Variants in HDGFL3 observed in about 807,000 individuals in gnomAD.
HDGFL3 encodes the protein HDGF like 3.
A neutral mutation model predicts 27.6 loss-of-function variants in HDGFL3; 6 were observed. The ratio of observed to expected loss-of-function variants is 0.22; its 90% CI spans 0.12 to 0.43. The LOEUF is 0.43. Among genes scored for constraint, HDGFL3 ranks in the 20% least tolerant of loss-of-function variants. HDGFL3 has a pLI of 1.00. For missense variants in HDGFL3, 207 were observed against 250.1 expected (o/e 0.83, Z 1.16); for synonymous variants, 88 against 88.9 (o/e 0.99, Z 0.05).
chr15:83,195,625 G>C (rs112051332), intron 1 of HDGFL3, among the ~76,000 whole-genome samples: 5 of 151,980 alleles, frequency 3.3e-5, no homozygotes, highest in African/African-American at 1.2e-4. Context: ...TATAATGGTA[G>C]AACATTAATG....
In HDGFL3 at chr15:83,191,575, T is replaced by C. The variant is rs533414466; in HGVS notation, c.84+15756A>G. Among the ~76,000 whole-genome samples the C allele has an allele frequency of 1.4e-4, 22 of 152,298 alleles. 1 individual carries two copies. The South Asian group carries it at 4.6e-3, about 32-fold the overall frequency. On this transcript the variant is annotated intron_variant, in intron 1 of 5. Transcript: ENST00000299633. Reference sequence around the variant, plus strand: ...AATTTTTTATTGGAAACATATAAAATTGTAAGTTTAAGACTTTAACTAAAG... The same window carrying C: ...AATTTTTTATTGGAAACATATAAAACTGTAAGTTTAAGACTTTAACTAAAG...
At chr15:83,124,646 C>A (rs756390487), downstream of HDGFL3, 1 of 1,586,846 alleles carries the variant, frequency 6.3e-7, no homozygotes, top group Non-Finnish European at 8.6e-7. Context: ...TTTGGGCCTG[C>A]TCTTTAGGTA....
At chr15:83,158,621 T>C (rs1225228236) in intron 2 of HDGFL3, among the ~76,000 whole-genome samples, 3 of 152,186 alleles carry the variant, frequency 2.0e-5, no homozygotes. Context: ...CACTCCATCC[T>C]GCCTGGGACA....
intron 3 of HDGFL3, among the ~76,000 whole-genome samples, chr15:83,120,656 C>T (rs906233316): frequency 3.3e-5 from 5 of 150,876 alleles, no homozygotes; most frequent in Non-Finnish European, 5.9e-5. Flanking sequence ...CTGCAATCTC[C>T]GCCTCCCAGG....
At chr15:83,197,175 A>G (rs1314130992) in intron 1 of HDGFL3, among the ~76,000 whole-genome samples, 1 of 152,246 alleles carries the variant, frequency 6.6e-6, no homozygotes, top group Non-Finnish European at 1.5e-5. Context: ...CACACATAGC[A>G]TAAGATAGGG....
At chr15:83,116,696 C>T (rs1321942018) in intron 3 of HDGFL3, among the ~76,000 whole-genome samples, 3 of 152,066 alleles carry the variant, frequency 2.0e-5, no homozygotes, top group South Asian at 2.1e-4. Context: ...GAGGCTTCCT[C>T]GGGACCAGCA....
At position 83,136,391 on chromosome 15, in the gene HDGFL3, A is replaced by C. The variant is rs1164782230; in HGVS notation, c.*2879T>G. The C allele has an allele frequency of 1.0e-5, 12 of 1,157,846 alleles. No individual in the cohort carries two copies. The East Asian group carries it at 3.0e-4, about 29-fold the overall frequency. The allele number at this position is 1,157,846 out of a possible 1,614,324, so 71.7% of individuals were successfully genotyped here. A position where few individuals can be genotyped will look rare whatever the true frequency, so the allele number is the denominator to read the frequency against. On this transcript the variant is annotated 3_prime_UTR_variant, in exon 6 of 6. Transcript: ENST00000299633. Reference sequence around the variant, plus strand: ...TGAGACTGGTTTTGAGGGCACAGAAACGTAGCCTGAATGAACCATTCAGAA... The same window carrying C: ...TGAGACTGGTTTTGAGGGCACAGAACCGTAGCCTGAATGAACCATTCAGAA...
chr15:83,153,148 T>C (rs796467044), intron 4 of HDGFL3, among the ~76,000 whole-genome samples: 4 of 152,068 alleles, frequency 2.6e-5, no homozygotes, highest in African/African-American at 9.6e-5. Context: ...TATAGGTACC[T>C]GCCACCACGC....
intron 3 of HDGFL3, chr15:83,120,211 T>C (rs2035090369): frequency 1.3e-5 from 2 of 158,218 alleles, no homozygotes; most frequent in Admixed American, 5.9e-5. Flanking sequence ...GTGCTGGTTT[T>C]TGGGTATTGG....
chr15:83,203,946 T>A (rs1267260827), intron 1 of HDGFL3, among the ~76,000 whole-genome samples: 1 of 149,720 alleles, frequency 6.7e-6, no homozygotes. Context: ...GCCTCAGTAC[T>A]TTTTAACATT....
intron 5 of HDGFL3, among the ~76,000 whole-genome samples, chr15:83,140,103 T>C (rs1188252777): frequency 1.3e-5 from 2 of 152,136 alleles, no homozygotes; most frequent in African/African-American, 4.8e-5. Flanking sequence ...TGAATGAACA[T>C]GTTTGTAAGC....
At chr15:83,154,614 T>G (rs2037006052) in intron 4 of HDGFL3, among the ~76,000 whole-genome samples, 1 of 152,188 alleles carries the variant, frequency 6.6e-6, no homozygotes, top group South Asian at 2.1e-4. Context: ...GTGGTGATTT[T>G]TACTTTTTAC....
intron 1 of HDGFL3, among the ~76,000 whole-genome samples, chr15:83,175,431 C>G (rs923280343): frequency 6.6e-6 from 1 of 152,176 alleles, no homozygotes; most frequent in Non-Finnish European, 1.5e-5. Context: ...AAGTGTACAC[C>G]TCCCAGGCAC....
rs983752539 is a variant in HDGFL3 at position 83,160,541 on chromosome 15, A to T, written c.162-2500T>A. Among the ~76,000 whole-genome samples the T allele has an allele frequency of 4.4e-5, 6 of 135,444 alleles. No individual in the cohort carries two copies. The East Asian group carries it at 1.0e-3, about 23-fold the overall frequency. 88.9% of individuals were successfully genotyped at this position (135,444 alleles called of 152,430 possible). A position where few individuals can be genotyped will look rare whatever the true frequency, so the allele number is the denominator to read the frequency against. On this transcript the variant is annotated intron_variant, in intron 2 of 5. Coordinates refer to ENST00000299633, the MANE Select transcript of HDGFL3 (RefSeq NM_016073.4). The stretch of plus-strand genomic sequence containing the variant: ...GGAGTTGGTATTTACCGAAATGGAA[A>T]TATTTTGGGGGGGGAACAATATTTG...
chr15:83,158,201 CACAT>C (rs2037057366), intron 2 of HDGFL3, among the ~76,000 whole-genome samples, 160 bp from the exon 3 acceptor site: 1 of 152,182 alleles, frequency 6.6e-6, no homozygotes, highest in African/African-American at 2.4e-5. Context: ...GTGTTTCAGA[CACAT>C]ACTTCAAGGC....
rs143708256 is a variant in HDGFL3, at chr15:83,137,882, T to C, written c.*1388A>G. On this transcript the variant is annotated 3_prime_UTR_variant, in exon 6 of 6. Coordinates refer to ENST00000299633, the MANE Select transcript of HDGFL3 (RefSeq NM_016073.4). ...GATACAAATCAATGCATGGATAATA[T>C]CAAATTACAAAATCTAGGGTCCACT... is the stretch of plus-strand genomic sequence containing the variant. 2.6e-5 allele frequency: 4 copies of C among 151,900 alleles called. No homozygotes were observed. The highest frequency in any genetic ancestry group is 5.9e-5 in the Non-Finnish European group (4 of 67,928). 9.4% of individuals were successfully genotyped at this position (151,900 alleles called of 1,614,324 possible). A position where few individuals can be genotyped will look rare whatever the true frequency, so the allele number is the denominator to read the frequency against.
At chr15:83,151,387 T>C in intron 4 of HDGFL3, 26 bp from the exon 5 acceptor site, 2 of 1,579,988 alleles carry the variant, frequency 1.3e-6, no homozygotes, top group East Asian at 4.5e-5. Context: ...AGTTAAATAT[T>C]ATAGTCAAAA....
intron 3 of HDGFL3, among the ~76,000 whole-genome samples, chr15:83,121,094 G>A (rs1460064661): frequency 1.3e-5 from 2 of 151,236 alleles, no homozygotes; most frequent in East Asian, 2.0e-4. Context: ...ATTTTGAGAC[G>A]GAGTCTCGCT....
chr15:83,137,599 C>A lies in HDGFL3; in HGVS notation c.*1671G>T, dbSNP rs539819508. 1.3e-5 allele frequency: 2 copies of A among 152,048 alleles called. No individual in the cohort carries two copies. Among genetic ancestry groups the A allele is most frequent in the East Asian group, 3.8e-4 (2 of 5,200 alleles). The allele number at this position is 152,048 out of a possible 1,614,324, so 9.4% of individuals were successfully genotyped here. ...AGTATTAGATCGACATCCCTACTATCTTTTTATGAACTTTTCATGTTTGGG... is the reference window on the plus strand; with the variant it reads ...AGTATTAGATCGACATCCCTACTATATTTTTATGAACTTTTCATGTTTGGG... On this transcript the variant is annotated 3_prime_UTR_variant, in exon 6 of 6. Transcript: ENST00000299633.
Sources: gnomAD v4.1 joint callset for allele counts (sites outside exome capture counted in the v4.1 genomes callset) on GRCh38, gnomAD v4.1.1 for gene constraint, MANE v1.5 for transcripts, NCBI Gene and HGNC (gene_info 2026-07-23, HGNC 2026-07-21) for gene names.